SLC18A1: variants seen among roughly 807,000 people sequenced by gnomAD.
The protein encoded by SLC18A1 is chromaffin granule amine transporter.
Under a neutral mutation model 53.7 loss-of-function variants are expected in SLC18A1, and 69 were observed. The ratio of observed to expected loss-of-function variants is 1.28; its 90% CI spans 1.06 to 1.57. SLC18A1 has a LOEUF of 1.57. Ranked by LOEUF, SLC18A1 falls within the 40% of genes most tolerant of loss-of-function variation. SLC18A1 has a pLI of 0.00. For synonymous variants in SLC18A1, 320 were observed against 248.1 expected, an observed-to-expected ratio of 1.29 and a Z score of -2.72; for missense variants, 932 against 668.1, an observed-to-expected ratio of 1.40 and a Z score of -4.35.
At chr8:20,147,952 C>G (rs2071444745) in intron 13 of SLC18A1, 55 bp downstream of exon 13, 3 of 1,582,064 alleles carry the variant, frequency 1.9e-6, no homozygotes, top group African/African-American at 1.3e-5. Flanking sequence ...GGAAAGGCAT[C>G]AGACCCAAAG....
Position 20,145,829 on chromosome 8 carries a change from G to A in SLC18A1, c.1512C>T (p.Thr504=), listed in dbSNP as rs1324606927. Residue 504 remains threonine (T), a synonymous_variant, in exon 16 of 16, where the codon ACC becomes ACT. Coordinates refer to ENST00000276373, the MANE Select transcript of SLC18A1 (RefSeq NM_003053.4). ...GAGGAAATTCCTTCGTGGGCTTCTG[G>A]GTTGCATACATCCGGGTCTCCATGG... ...DCPMETRMYA[T]QKPTKEFPLG... is the part of the protein sequence containing the mutation. 3 of 1,612,262 alleles carry A rather than the reference G, an allele frequency of 1.9e-6. No individual in the cohort carries two copies. Among genetic ancestry groups the A allele is most frequent in the South Asian group, 1.1e-5 (1 of 90,532 alleles).
intron 10 of SLC18A1, among the ~76,000 whole-genome samples, chr8:20,154,569 A>G (rs1207790576): frequency 2.0e-5 from 3 of 152,212 alleles, no homozygotes; most frequent in Non-Finnish European, 4.4e-5. Context: ...TTCCATCTAG[A>G]TGTTGCAGGA....
chr8:20,152,108 A>G (rs1462375692), intron 10 of SLC18A1, among the ~76,000 whole-genome samples: 1 of 152,212 alleles, frequency 6.6e-6, no homozygotes, highest in African/African-American at 2.4e-5. Context: ...CTTAATAACC[A>G]AAAGAGAGCA....
chr8:20,177,635 T>A (rs758275462), intron 4 of SLC18A1, among the ~76,000 whole-genome samples: 7 of 152,046 alleles, frequency 4.6e-5, no homozygotes, highest in Non-Finnish European at 7.4e-5. Context: ...ACTTAAAGTA[T>A]AATTAAAAAG....
intron 4 of SLC18A1, among the ~76,000 whole-genome samples, chr8:20,177,367 A>G (rs1375358329): frequency 6.6e-6 from 1 of 152,208 alleles, no homozygotes; most frequent in African/African-American, 2.4e-5. Context: ...AGGAAGACAG[A>G]AAGTAGACAA....
chr8:20,150,762 T>A lies in SLC18A1; in HGVS notation c.1016-18A>T. 1.2e-6 allele frequency: 2 copies of A among 1,609,954 alleles called. No individual in the cohort carries two copies. Among genetic ancestry groups the A allele is most frequent in the African/African-American group, 1.3e-5 (1 of 74,910 alleles). ...AGCTAGACCTGTGGAAGGACACAGATCCTTACCTTAGGACATGTCCAATTT... is the reference window on the plus strand; with the variant it reads ...AGCTAGACCTGTGGAAGGACACAGAACCTTACCTTAGGACATGTCCAATTT... On this transcript the variant is annotated intron_variant, in intron 10 of 15. Transcript: ENST00000276373.
chr8:20,180,834 A>C lies in SLC18A1; in HGVS notation c.124+7T>G, dbSNP rs1388716783. The C allele has an allele frequency of 6.2e-7, 1 of 1,613,664 alleles. No individual in the cohort carries two copies. Among genetic ancestry groups the C allele is most frequent in the Non-Finnish European group, 8.5e-7 (1 of 1,179,798 alleles). On this transcript the variant is annotated splice_region_variant and intron_variant, in intron 2 of 15. Coordinates refer to ENST00000276373, the MANE Select transcript of SLC18A1 (RefSeq NM_003053.4). ...TTAACCCTCAGCACAAAGACCCACA[A>C]ACGTACCCACCACAGTAAACAGCAT...
chr8:20,152,424 T>A lies in SLC18A1; in HGVS notation c.1016-1680A>T, dbSNP rs1371262447. Reference sequence around the variant, plus strand: ...AAGTGATGGTGCCTCAGATTAGAAGTCATGGTGGAGAGAAGTGAACAAAAT... The same window carrying A: ...AAGTGATGGTGCCTCAGATTAGAAGACATGGTGGAGAGAAGTGAACAAAAT... On this transcript the variant is annotated intron_variant, in intron 10 of 15. Coordinates refer to ENST00000276373, the MANE Select transcript of SLC18A1 (RefSeq NM_003053.4). Among the ~76,000 whole-genome samples, 9 of 152,270 alleles carry A rather than the reference T, an allele frequency of 5.9e-5. No individual in the cohort carries two copies. The East Asian group carries it at 1.7e-3, about 29-fold the overall frequency.
intron 8 of SLC18A1, among the ~76,000 whole-genome samples, chr8:20,170,248 T>C (rs2072078142): frequency 6.6e-6 from 1 of 152,200 alleles, no homozygotes; most frequent in Non-Finnish European, 1.5e-5. Flanking sequence ...GTATTGATTA[T>C]GTCATAGTTT....
intron 14 of SLC18A1, 103 bp downstream of exon 14, chr8:20,147,500 C>A: frequency 1.3e-6 from 2 of 1,572,342 alleles, no homozygotes; most frequent in South Asian, 1.2e-5. Flanking sequence ...GATGTCTCAG[C>A]GTCAAAGATC....
At chr8:20,178,356 C>T (rs2072304238) in intron 4 of SLC18A1, 79 bp downstream of exon 4, 1 of 1,134,184 alleles carries the variant, frequency 8.8e-7, no homozygotes, top group Non-Finnish European at 1.3e-6. Context: ...TCTAGGTTAC[C>T]CTGCTATCTA....
At chr8:20,164,598 C>T (rs974904622) in intron 10 of SLC18A1, among the ~76,000 whole-genome samples, 1 of 152,242 alleles carries the variant, frequency 6.6e-6, no homozygotes, top group South Asian at 2.1e-4. Context: ...GAAACCAAAA[C>T]CTGAATCTTT....
intron 10 of SLC18A1, among the ~76,000 whole-genome samples, chr8:20,153,067 T>C (rs918040083): frequency 1.3e-5 from 2 of 151,804 alleles, no homozygotes; most frequent in African/African-American, 4.8e-5. Context: ...GGAGTGCATA[T>C]GGGGCTAAAA....
rs2071425150 is a variant in SLC18A1 at position 20,147,296 on chromosome 8, A to G, written c.1426T>C (p.Tyr476His). Residue 476 changes from tyrosine (Y) to histidine (H), a missense_variant, in exon 15 of 16, where the codon TAC (tyrosine) becomes CAC (histidine). Transcript: ENST00000276373. ...VINIVYAPLC[Y>H]YLRSPPAKEE... Reference sequence around the variant, plus strand: ...TTTGCCGGGGGGCTCCGCAGGTAGTAGCAGAGTGGAGCATAGACGATGTTG... The same window carrying G: ...TTTGCCGGGGGGCTCCGCAGGTAGTGGCAGAGTGGAGCATAGACGATGTTG... The G allele has an allele frequency of 6.2e-7, 1 of 1,612,820 alleles. No individual in the cohort carries two copies. The highest frequency in any genetic ancestry group is 1.7e-5 in the Admixed American group (1 of 59,702).
chr8:20,145,233 A>AC lies in SLC18A1; in HGVS notation c.*529_*530insG, dbSNP rs1368891642. The AC allele has an allele frequency of 5.3e-5, 8 of 152,188 alleles. No homozygotes were observed. Among genetic ancestry groups the AC allele is most frequent in the African/African-American group, 1.9e-4 (8 of 41,428 alleles). The allele number at this position is 152,188 out of a possible 1,614,324, so 9.4% of individuals were successfully genotyped here. On this transcript the variant is annotated 3_prime_UTR_variant, in exon 16 of 16. Coordinates refer to ENST00000276373, the MANE Select transcript of SLC18A1 (RefSeq NM_003053.4). ...TTATTAAAAAAAAAAATAAATGAAA[A>AC]AAAACAAAACAAAACTCTTCAAGCT... is the stretch of plus-strand genomic sequence containing the variant.
At position 20,173,055 on chromosome 8, in the gene SLC18A1, G is replaced by A. The variant is rs528596124; in HGVS notation, c.705C>T (p.Gly235=). The change falls in exon 6 of 16, where the codon GGC becomes GGT. Residue 235 remains glycine, a synonymous_variant. Transcript: ENST00000276373. The stretch of plus-strand genomic sequence containing the variant: ...ACTTACCCAGCAACCCCAAGGCCAG[G>A]CCCCCCAGAGCAGTTCCCATGGCTC... ...RGRAMGTALG[G]LALGLLVGAP... The A allele has an allele frequency of 3.8e-6, 6 of 1,589,796 alleles. No individual in the cohort carries two copies. In the Admixed American group the frequency reaches 5.3e-5, roughly 14 times the overall value.
At chr8:20,153,065 T>C (rs992378723) in intron 10 of SLC18A1, among the ~76,000 whole-genome samples, 5 of 151,682 alleles carry the variant, frequency 3.3e-5, no homozygotes, top group Non-Finnish European at 7.4e-5. Flanking sequence ...CGGGAGTGCA[T>C]ATGGGGCTAA....
At chr8:20,166,081 G>A (rs765002706) in intron 8 of SLC18A1, among the ~76,000 whole-genome samples, 1 of 151,728 alleles carries the variant, frequency 6.6e-6, no homozygotes, top group Non-Finnish European at 1.5e-5. Flanking sequence ...ACATTTAAAA[G>A]TACAATAAAC....
rs1466290868 is a variant in SLC18A1 at position 20,145,525 on chromosome 8, G to T, written c.*238C>A. On this transcript the variant is annotated 3_prime_UTR_variant, in exon 16 of 16. Transcript: ENST00000276373. ...ATCAACCTCACAGCAGCGGGAAGGT[G>T]CATCACTCTGTCTTCCCATAAAAGA... The T allele has an allele frequency of 1.4e-5, 5 of 359,922 alleles. No homozygotes were observed. Among genetic ancestry groups the T allele is most frequent in the African/African-American group, 8.4e-5 (4 of 47,540 alleles). The allele number at this position is 359,922 out of a possible 1,614,324, so 22.3% of individuals were successfully genotyped here.
Sources: allele counts gnomAD v4.1 joint callset (sites outside exome capture counted in the v4.1 genomes callset), GRCh38; gene constraint gnomAD v4.1.1; transcripts MANE v1.5; gene names NCBI Gene and HGNC (gene_info 2026-07-23, HGNC 2026-07-21).